Variants in RNF103 observed in about 807,000 individuals in gnomAD.
RNF103 encodes the protein E3 ubiquitin-protein ligase RNF103.
RNF103 carries 23 observed loss-of-function variants against 66.2 expected under a neutral mutation model. The observed-to-expected ratio is 0.35, with a 90% confidence interval of 0.25 to 0.49. The LOEUF (loss-of-function observed/expected upper bound fraction) is 0.49, where lower values mean the gene tolerates loss of function less well. Ranked by LOEUF, RNF103 falls within the 20% of genes least tolerant of loss-of-function variation. The pLI is 0.98. For synonymous variants in RNF103, 297 were observed against 289.9 expected (o/e 1.02, Z -0.25); for missense variants, 730 against 814.7 (o/e 0.90, Z 1.27).
chr2:86,618,068 C>G (rs1240741209), intron 2 of RNF103: 1 of 445,028 alleles, frequency 2.2e-6, no homozygotes, highest in African/African-American at 2.0e-5. Flanking sequence ...AGAAAAACCA[C>G]AGAAATACAT....
intron 3 of RNF103, among the ~76,000 whole-genome samples, chr2:86,605,792 T>C (rs1159239807): frequency 6.6e-6 from 1 of 152,204 alleles, no homozygotes; most frequent in Non-Finnish European, 1.5e-5. Context: ...TAAAACTGTA[T>C]ATATTCTGTT....
In RNF103 at chr2:86,605,186, G is replaced by A; in HGVS notation, c.715C>T (p.Leu239=). The change falls in exon 4 of 4, where the codon CTA becomes TTA. Residue 239 remains leucine, a synonymous_variant. Transcript: ENST00000237455. ...GGGGGCTGGTCAAGGTTTGCAAATAGGTATATTTTTAACCAATACTGATCA... is the reference window on the plus strand; with the variant it reads ...GGGGGCTGGTCAAGGTTTGCAAATAAGTATATTTTTAACCAATACTGATCA... ...KSDQYWLKIY[L]FANLDQPPAF... 1 of 1,613,718 alleles carries A rather than the reference G, an allele frequency of 6.2e-7. No homozygotes were observed. The highest frequency in any genetic ancestry group is 8.5e-7 in the Non-Finnish European group (1 of 1,180,020).
chr2:86,623,102 C>T lies in RNF103; in HGVS notation c.-216G>A. 7.9e-7 allele frequency: 1 copy of T among 1,259,604 alleles called. No homozygotes were observed. Among genetic ancestry groups the T allele is most frequent in the South Asian group, 2.5e-5 (1 of 40,616 alleles). The allele number at this position is 1,259,604 out of a possible 1,614,324, so 78.0% of individuals were successfully genotyped here. On this transcript the variant is annotated 5_prime_UTR_variant, in exon 1 of 4. Coordinates refer to ENST00000237455, the MANE Select transcript of RNF103 (RefSeq NM_005667.4). ...CGACGAGGGACGCAGAGACGCAGAG[C>T]CTCGCGCCGGGCCTCCCAGTCAAGA...
intron 2 of RNF103, chr2:86,617,772 T>C: frequency 9.9e-7 from 1 of 1,014,798 alleles, no homozygotes; most frequent in Non-Finnish European, 1.2e-6. Context: ...GTAGATATTT[T>C]CAATTTTAAG....
chr2:86,604,658 A>G lies in RNF103; in HGVS notation c.1243T>C (p.Ser415Pro). The change falls in exon 4 of 4, where the codon TCA (serine) becomes CCA (proline). Residue 415 changes from serine to proline, a missense_variant. By Grantham distance (74) the Ser-to-Pro change is moderately conservative. Transcript: ENST00000237455. The part of the protein sequence containing the change: ...WVRADWMFYS[S>P]HPALFLSTYL... Reference sequence around the variant, plus strand: ...GTACTGAGAAACAGGGCTGGGTGTGAAGAGTAAAACATCCAGTCTGCCCTT... The same window carrying G: ...GTACTGAGAAACAGGGCTGGGTGTGGAGAGTAAAACATCCAGTCTGCCCTT... 2 of 1,614,206 alleles carry G rather than the reference A, an allele frequency of 1.2e-6. No homozygotes were observed. Among genetic ancestry groups the G allele is most frequent in the Non-Finnish European group, 1.7e-6 (2 of 1,180,032 alleles).
Position 86,623,060 on chromosome 2 carries a change from G to A in RNF103, c.-174C>T. On this transcript the variant is annotated 5_prime_UTR_variant, in exon 1 of 4. Coordinates refer to ENST00000237455, the MANE Select transcript of RNF103 (RefSeq NM_005667.4). ...GGCGGGGAAGCAGGTGACGGGATCC[G>A]CGCGGGCGCGAGGCGGCGACGAGGG... 3 of 1,313,362 alleles carry A rather than the reference G, an allele frequency of 2.3e-6. No individual in the cohort carries two copies. Among genetic ancestry groups the A allele is most frequent in the East Asian group, 3.3e-5 (1 of 30,664 alleles). The allele number at this position is 1,313,362 out of a possible 1,614,324, so 81.4% of individuals were successfully genotyped here.
chr2:86,618,652 TCAC>T (rs982359494), intron 2 of RNF103: 2 of 152,228 alleles, frequency 1.3e-5, no homozygotes, highest in African/African-American at 4.8e-5. Flanking sequence ...TGCAACATCT[TCAC>T]CATTTATTTC....
chr2:86,618,888 CAGAAAT>C (rs962419904), intron 2 of RNF103: 3 of 152,178 alleles, frequency 2.0e-5, no homozygotes, highest in African/African-American at 7.2e-5. Context: ...CCAACTGACA[CAGAAAT>C]AAACTAAAAT....
chr2:86,623,015 G>A lies in RNF103; in HGVS notation c.-129C>T, dbSNP rs1034059968. On this transcript the variant is annotated 5_prime_UTR_variant, in exon 1 of 4. It adds an upstream start codon to the 5' untranslated region. Coordinates refer to ENST00000237455, the MANE Select transcript of RNF103 (RefSeq NM_005667.4). ...GTCCACGCGCGGGCCACCCGGCGCC[G>A]TCACTGGCCGGCCATCCCCGGCGGG... 23 of 1,366,018 alleles carry A rather than the reference G, an allele frequency of 1.7e-5. No homozygotes were observed. The highest frequency in any genetic ancestry group is 3.1e-5 in the African/African-American group (2 of 64,720). The allele number at this position is 1,366,018 out of a possible 1,614,324, so 84.6% of individuals were successfully genotyped here.
Position 86,623,109 on chromosome 2 carries a change from C to T in RNF103, c.-223G>A. 8.0e-7 allele frequency: 1 copy of T among 1,246,466 alleles called. No homozygotes were observed. The highest frequency in any genetic ancestry group is 1.0e-6 in the Non-Finnish European group (1 of 998,232). The allele number at this position is 1,246,466 out of a possible 1,614,324, so 77.2% of individuals were successfully genotyped here. A position where few individuals can be genotyped will look rare whatever the true frequency, so the allele number is the denominator to read the frequency against. ...GGACGCAGAGACGCAGAGCCTCGCG[C>T]CGGGCCTCCCAGTCAAGAGCCGACA... is the stretch of plus-strand genomic sequence containing the variant. On this transcript the variant is annotated 5_prime_UTR_variant, in exon 1 of 4. Coordinates refer to ENST00000237455, the MANE Select transcript of RNF103 (RefSeq NM_005667.4).
At chr2:86,611,987 T>A (rs185888786) in intron 3 of RNF103, among the ~76,000 whole-genome samples, 172 bp downstream of exon 3, 1 of 152,246 alleles carries the variant, frequency 6.6e-6, no homozygotes, top group Non-Finnish European at 1.5e-5. Flanking sequence ...AGAGTGAAAG[T>A]CATTAGCTGC....
intron 3 of RNF103, 140 bp from the exon 4 acceptor site, chr2:86,605,558 G>C: frequency 6.7e-6 from 5 of 749,328 alleles, no homozygotes; most frequent in Non-Finnish European, 8.1e-6. Context: ...CTTGGCAGCT[G>C]TGAAAAACAA....
Position 86,605,252 on chromosome 2 carries a change from T to G in RNF103, c.649A>C (p.Ile217Leu). ...TAHAASRIKTIYNAEHLKEEW... is the reference protein window; with the variant it reads ...TAHAASRIKTLYNAEHLKEEW... The stretch of plus-strand genomic sequence containing the variant: ...TCTTTCAAGTGTTCAGCATTATAAA[T>G]GGTTTTGATCCGAGAAGCTGCATGA... The change falls in exon 4 of 4, where the codon ATT becomes CTT. Residue 217 changes from isoleucine to leucine, a missense_variant. Physicochemically the swap from Ile to Leu is conservative, Grantham distance 5 (BLOSUM62 2). Coordinates refer to ENST00000237455, the MANE Select transcript of RNF103 (RefSeq NM_005667.4). The G allele has an allele frequency of 6.2e-7, 1 of 1,614,166 alleles. No individual in the cohort carries two copies. Among genetic ancestry groups the G allele is most frequent in the Non-Finnish European group, 8.5e-7 (1 of 1,180,028 alleles).
At position 86,622,893 on chromosome 2, in the gene RNF103, T is replaced by G; in HGVS notation, c.-7A>C. ...AAAAAAGCTTCAGCCACATCTTCCC[T>G]GGAGTTTCCTCTCTTTCCAGAGAGC... On this transcript the variant is annotated 5_prime_UTR_variant, in exon 1 of 4. Transcript: ENST00000237455. The G allele has an allele frequency of 6.3e-7, 1 of 1,587,262 alleles. No homozygotes were observed. The highest frequency in any genetic ancestry group is 8.6e-7 in the Non-Finnish European group (1 of 1,166,422).
intron 2 of RNF103, among the ~76,000 whole-genome samples, chr2:86,615,636 A>G (rs1262542097): frequency 6.6e-6 from 1 of 151,772 alleles, no homozygotes; most frequent in African/African-American, 2.4e-5. Context: ...TGGCATTCAT[A>G]TGGCTGGTCT....
intron 2 of RNF103, chr2:86,616,375 A>T: frequency 1.7e-6 from 1 of 601,246 alleles, no homozygotes; most frequent in Non-Finnish European, 2.1e-6. Context: ...CCTAGTATAT[A>T]CATGCAAACT....
intron 2 of RNF103, chr2:86,617,758 T>C (rs1406932004): frequency 9.8e-7 from 1 of 1,018,008 alleles, no homozygotes; most frequent in Non-Finnish European, 1.2e-6. Flanking sequence ...CTCTTCTGTT[T>C]CTAGTAGATA....
Position 86,605,277 on chromosome 2 carries a change from A to G in RNF103, c.624T>C (p.Ala208=), listed in dbSNP as rs1414565699. The G allele has an allele frequency of 2.5e-6, 4 of 1,614,074 alleles. No individual in the cohort carries two copies. In the African/African-American group the frequency reaches 4.0e-5, roughly 16 times the overall value. ...EVEHIFKWIT[A]HAASRIKTIY... Reference sequence around the variant, plus strand: ...TGGTTTTGATCCGAGAAGCTGCATGAGCAGTTATCCATTTAAAAATGTGCT... The same window carrying G: ...TGGTTTTGATCCGAGAAGCTGCATGGGCAGTTATCCATTTAAAAATGTGCT... The change falls in exon 4 of 4, where the codon GCT becomes GCC. Residue 208 remains alanine (A), a synonymous_variant. Coordinates refer to ENST00000237455, the MANE Select transcript of RNF103 (RefSeq NM_005667.4).
rs898365715 is a variant in RNF103 at position 86,605,172 on chromosome 2, A to G, written c.729T>C (p.Leu243=). 6.2e-7 allele frequency: 1 copy of G among 1,613,812 alleles called. No individual in the cohort carries two copies. The highest frequency in any genetic ancestry group is 8.5e-7 in the Non-Finnish European group (1 of 1,180,028). The change falls in exon 4 of 4, where the codon CTT becomes CTC. Residue 243 remains leucine, a synonymous_variant. Transcript: ENST00000237455. ...CAGAGAAGAAAGCTGGGGGCTGGTC[A>G]AGGTTTGCAAATAGGTATATTTTTA... ...YWLKIYLFAN[L]DQPPAFFSAL...
Sources: allele counts gnomAD v4.1 joint callset (sites outside exome capture counted in the v4.1 genomes callset), GRCh38; gene constraint gnomAD v4.1.1; transcripts MANE v1.5; gene names NCBI Gene and HGNC (gene_info 2026-07-23, HGNC 2026-07-21).